HFM1: variants seen among roughly 807,000 people sequenced by gnomAD.
HFM1 encodes the protein probable ATP-dependent DNA helicase HFM1.
Under a neutral mutation model 192.1 loss-of-function variants are expected in HFM1, and 169 were observed. The observed-to-expected ratio is 0.88, with a 90% CI of 0.78 to 1.00. The LOEUF is 1.00. Among genes scored for constraint, HFM1 ranks in the 50% least tolerant of loss-of-function variants. The pLI, the probability that HFM1 is intolerant of heterozygous loss-of-function variation, is 0.00. For missense variants in HFM1, 1,661 were observed against 1,668.0 expected (o/e 1.00, Z 0.07); for synonymous variants, 525 against 537.8 (o/e 0.98, Z 0.33).
intron 30 of HFM1, among the ~76,000 whole-genome samples, chr1:91,277,822 T>C (rs1667046389): frequency 1.6e-5 from 2 of 123,738 alleles, no homozygotes; most frequent in African/African-American, 6.3e-5. Flanking sequence ...ATAATATATA[T>C]ACTTTATATA....
intron 30 of HFM1, among the ~76,000 whole-genome samples, chr1:91,287,614 CTCT>C (rs1233179031): frequency 6.6e-6 from 1 of 152,222 alleles, no homozygotes; most frequent in Non-Finnish European, 1.5e-5. Flanking sequence ...ACCTCTCCTC[CTCT>C]AAAGGAACGC....
At chr1:91,402,848 C>T (rs1664446093) in intron 1 of HFM1, among the ~76,000 whole-genome samples, 1 of 152,012 alleles carries the variant, frequency 6.6e-6, no homozygotes, top group Non-Finnish European at 1.5e-5. Flanking sequence ...ATACTTTCTT[C>T]CTAAAGCAAC....
In HFM1 at chr1:91,313,414, T is replaced by A; in HGVS notation, c.3326A>T (p.Lys1109Ile). Residue 1109 changes from lysine to isoleucine, a missense_variant, in exon 30 of 39, where the codon AAA (lysine) becomes ATA (isoleucine). Lys to Ile is a moderately radical substitution (Grantham distance 102, BLOSUM62 -3). Coordinates refer to ENST00000370425, the MANE Select transcript of HFM1 (RefSeq NM_001017975.6). ...AGAATGGGAAATCTGTGTTTCAGAT[T>A]TTCTTTGCATAGTGATTTGATTTCC... is the stretch of plus-strand genomic sequence containing the variant. ...RFGNQITMQRKSETQISHSKH... is the reference protein window; with the variant it reads ...RFGNQITMQRISETQISHSKH... 1 of 1,600,134 alleles carries A rather than the reference T, an allele frequency of 6.2e-7. No individual in the cohort carries two copies. The highest frequency in any genetic ancestry group is 8.6e-7 in the Non-Finnish European group (1 of 1,169,406).
chr1:91,389,310 T>C (rs1283001965), intron 4 of HFM1, among the ~76,000 whole-genome samples: 1 of 151,960 alleles, frequency 6.6e-6, no homozygotes, highest in East Asian at 1.9e-4. Context: ...TACAGGCGCA[T>C]GCCACCACAT....
chr1:91,390,089 T>G (rs571289347), intron 4 of HFM1, among the ~76,000 whole-genome samples: 38 of 152,278 alleles, frequency 2.5e-4, no homozygotes, highest in African/African-American at 7.5e-4. Flanking sequence ...AACTGATAAG[T>G]AAATAAACAA....
intron 23 of HFM1, among the ~76,000 whole-genome samples, chr1:91,320,916 T>G (rs890845941): frequency 5.9e-5 from 9 of 152,148 alleles, no homozygotes; most frequent in Non-Finnish European, 1.2e-4. Context: ...AGATAAAGTA[T>G]TGATTCGGTT....
At chr1:91,367,002 G>A (rs973687410) in intron 13 of HFM1, among the ~76,000 whole-genome samples, 6 of 152,170 alleles carry the variant, frequency 3.9e-5, no homozygotes, top group South Asian at 4.1e-4. Context: ...ACAGAGCCTC[G>A]CTCATTGCTA....
chr1:91,404,840 C>G (rs1391268753), upstream of HFM1: 2 of 455,508 alleles, frequency 4.4e-6, no homozygotes, highest in South Asian at 3.1e-5. Flanking sequence ...GCCGATTTAT[C>G]AGCCCCTCTG....
intron 13 of HFM1, among the ~76,000 whole-genome samples, 193 bp from the exon 14 acceptor site, chr1:91,353,492 A>T (rs962422310): frequency 6.6e-6 from 1 of 151,740 alleles, no homozygotes; most frequent in African/African-American, 2.4e-5. Context: ...ACAATATTAA[A>T]GCTCACTTTT....
chr1:91,303,932 A>T (rs557755816), intron 30 of HFM1, among the ~76,000 whole-genome samples: 1 of 152,016 alleles, frequency 6.6e-6, no homozygotes, highest in Non-Finnish European at 1.5e-5. Context: ...TGCAACCTCT[A>T]CCTCCTGAGT....
rs79476967 is a variant in HFM1 at position 91,349,861 on chromosome 1, A to G, written c.2206+877T>C. Among the ~76,000 whole-genome samples, 1,009 of 152,354 alleles carry G rather than the reference A, an allele frequency of 6.6e-3. 17 individuals are homozygous for G. The highest frequency in any genetic ancestry group is 0.023 in the African/African-American group (952 of 41,572). On this transcript the variant is annotated intron_variant, in intron 18 of 38. Coordinates refer to ENST00000370425, the MANE Select transcript of HFM1 (RefSeq NM_001017975.6). ...TGGAAAACTAATACAATATGCCACG[A>G]TTTGTGTTTAAAAGGTGCGAAACTA...
intron 20 of HFM1, among the ~76,000 whole-genome samples, chr1:91,341,214 C>CA (rs961719916): frequency 1.1e-4 from 17 of 151,598 alleles, no homozygotes; most frequent in South Asian, 4.2e-4. Flanking sequence ...TCAACAAATT[C>CA]AAAAAAAATC....
chr1:91,322,885 A>C, intron 23 of HFM1, 65 bp downstream of exon 23: 1 of 764,964 alleles, frequency 1.3e-6, no homozygotes, highest in Non-Finnish European at 2.0e-6. Context: ...TGTATTAAGA[A>C]AAACAAATTA....
intron 30 of HFM1, among the ~76,000 whole-genome samples, chr1:91,311,063 G>C (rs1650369226): frequency 6.6e-6 from 1 of 152,168 alleles, no homozygotes. Flanking sequence ...CTAGAGAATT[G>C]TGGAATGGCT....
At chr1:91,347,337 T>C in intron 19 of HFM1, 92 bp downstream of exon 19, 3 of 643,584 alleles carry the variant, frequency 4.7e-6, no homozygotes, top group Non-Finnish European at 7.7e-6. Context: ...TTTTAAAAAA[T>C]GATTTACAAA....
intron 13 of HFM1, among the ~76,000 whole-genome samples, chr1:91,374,245 T>C (rs1012151314): frequency 6.6e-4 from 100 of 151,938 alleles, no homozygotes; most frequent in African/African-American, 2.4e-3. Flanking sequence ...GTCTGGAGAA[T>C]TGGCTAGGCA....
At chr1:91,298,646 G>T (rs1409622996) in intron 30 of HFM1, among the ~76,000 whole-genome samples, 1 of 152,172 alleles carries the variant, frequency 6.6e-6, no homozygotes, top group Non-Finnish European at 1.5e-5. Flanking sequence ...CATTCTTAAA[G>T]AAAAGAATTT....
intron 30 of HFM1, among the ~76,000 whole-genome samples, chr1:91,309,985 G>A (rs563396391): frequency 6.6e-6 from 1 of 151,822 alleles, no homozygotes; most frequent in Non-Finnish European, 1.5e-5. Flanking sequence ...GACTGAAGCT[G>A]GAGATATACG....
intron 30 of HFM1, among the ~76,000 whole-genome samples, chr1:91,312,260 T>C (rs1650575128): frequency 6.6e-6 from 1 of 151,972 alleles, no homozygotes; most frequent in South Asian, 2.1e-4. Flanking sequence ...CCCCGAATGG[T>C]AGATCCACCG....
Sources: gnomAD v4.1 joint callset for allele counts (sites outside exome capture counted in the v4.1 genomes callset) on GRCh38, gnomAD v4.1.1 for gene constraint, MANE v1.5 for transcripts, NCBI Gene and HGNC (gene_info 2026-07-23, HGNC 2026-07-21) for gene names.